The following CACNG3 variants were observed in gnomAD, a reference collection of about 807,000 sequenced individuals.
CACNG3 encodes voltage-dependent calcium channel gamma-3 subunit.
A neutral mutation model predicts 28.5 loss-of-function variants in CACNG3; 3 were observed. The observed-to-expected ratio is 0.11, with a 90% CI of 0.05 to 0.27. CACNG3 has a LOEUF of 0.27. CACNG3 is among the 10% of genes least tolerant of loss of function. The probability of loss-of-function intolerance (pLI) is 1.00; values close to 1 mark genes in which losing one functional copy is unlikely to be tolerated. For missense variants in CACNG3, 236 were observed against 414.4 expected (o/e 0.57, Z 3.74); for synonymous variants, 174 against 162.2 (o/e 1.07, Z -0.55).
chr16:24,295,351 A>G (rs752111883), intron 1 of CACNG3, among the ~76,000 whole-genome samples: 1 of 152,122 alleles, frequency 6.6e-6, no homozygotes, highest in Non-Finnish European at 1.5e-5. Flanking sequence ...ACCCCAATAC[A>G]TTCTCAACTT....
chr16:24,321,631 T>C (rs1388126381), intron 1 of CACNG3, among the ~76,000 whole-genome samples: 1 of 152,144 alleles, frequency 6.6e-6, no homozygotes, highest in Non-Finnish European at 1.5e-5. Flanking sequence ...GTCAAGCGCT[T>C]CCTTTAAGTG....
intron 1 of CACNG3, among the ~76,000 whole-genome samples, chr16:24,332,928 A>G (rs1899650853): frequency 6.6e-6 from 1 of 152,142 alleles, no homozygotes; most frequent in Non-Finnish European, 1.5e-5. Flanking sequence ...TGTGTTAACC[A>G]CGGGTAGACA....
chr16:24,339,825 C>T (rs185942030), intron 1 of CACNG3, among the ~76,000 whole-genome samples: 11 of 152,184 alleles, frequency 7.2e-5, no homozygotes, highest in Admixed American at 5.2e-4. Flanking sequence ...AACAAATAAT[C>T]GAGGCAATGA....
At chr16:24,320,880 A>G (rs1899446338) in intron 1 of CACNG3, among the ~76,000 whole-genome samples, 1 of 151,956 alleles carries the variant, frequency 6.6e-6, no homozygotes, top group Admixed American at 6.6e-5. Context: ...CAGGCATGCA[A>G]CACTATGCCT....
rs79463229 is a variant in CACNG3, at chr16:24,301,518, G to T, written c.211+44553G>T. On this transcript the variant is annotated intron_variant, in intron 1 of 3. Transcript: ENST00000005284. ...AGTGTGGTATCCTGCAGCTCACGAC[G>T]GTCACAGAGAGGGTGCAGGCAGGAA... Among the ~76,000 whole-genome samples, 193 of 152,230 alleles carry T rather than the reference G, an allele frequency of 1.3e-3. 1 individual carries two copies. In the East Asian group the frequency reaches 0.028, roughly 22 times the overall value.
chr16:24,335,873 G>C (rs967773757), intron 1 of CACNG3, among the ~76,000 whole-genome samples: 2 of 151,898 alleles, frequency 1.3e-5, no homozygotes, highest in Non-Finnish European at 2.9e-5. Flanking sequence ...CCAGGAGTTG[G>C]AGACCAGCCT....
At chr16:24,340,607 A>G (rs959608407) in intron 1 of CACNG3, among the ~76,000 whole-genome samples, 1 of 152,182 alleles carries the variant, frequency 6.6e-6, no homozygotes, top group African/African-American at 2.4e-5. Flanking sequence ...ACCCCTCCTC[A>G]TGTGAAGGAA....
rs1050502245 is a variant in CACNG3 at position 24,330,657 on chromosome 16, C to T, written c.212-16077C>T. Among the ~76,000 whole-genome samples, 5 of 152,210 alleles carry T rather than the reference C, an allele frequency of 3.3e-5. No individual in the cohort carries two copies. The East Asian group carries it at 9.6e-4, about 29-fold the overall frequency. ...AAGAAGAGCCCAGGTGATTCTCATG[C>T]AAGTGGACTCAATTTTTCCAGGCAC... On this transcript the variant is annotated intron_variant, in intron 1 of 3. Transcript: ENST00000005284.
chr16:24,301,224 C>A lies in CACNG3; in HGVS notation c.211+44259C>A, dbSNP rs189338640. 3.5e-3 allele frequency among the ~76,000 whole-genome samples: 527 copies of A among 148,882 alleles called. 1 individual carries two copies. Among genetic ancestry groups the A allele is most frequent in the South Asian group, 0.011 (50 of 4,732 alleles). On this transcript the variant is annotated intron_variant, in intron 1 of 3. Transcript: ENST00000005284. ...AGACTCTGAAAAAAAAAAAAAAAAG[C>A]ATATGAGCTCAATTATATGGGGATC...
At chr16:24,302,646 TTTTG>T (rs1899129562) in intron 1 of CACNG3, among the ~76,000 whole-genome samples, 3 of 131,832 alleles carry the variant, frequency 2.3e-5, no homozygotes, top group African/African-American at 1.3e-4. Flanking sequence ...TTTTGTTTTG[TTTTG>T]TTTTGTTTTG....
At chr16:24,293,428 A>T (rs977164059) in intron 1 of CACNG3, among the ~76,000 whole-genome samples, 2 of 152,078 alleles carry the variant, frequency 1.3e-5, no homozygotes, top group Non-Finnish European at 2.9e-5. Context: ...CACTGCCTAC[A>T]TTTGAATCTT....
intron 1 of CACNG3, among the ~76,000 whole-genome samples, chr16:24,328,734 G>A (rs1899592552): frequency 1.3e-5 from 2 of 152,188 alleles, no homozygotes; most frequent in Admixed American, 6.5e-5. Flanking sequence ...CAGGCAGAAA[G>A]AGCATCAGCT....
chr16:24,333,173 G>A (rs1391535803), intron 1 of CACNG3, among the ~76,000 whole-genome samples: 2 of 151,902 alleles, frequency 1.3e-5, no homozygotes, highest in African/African-American at 4.8e-5. Context: ...GGACTACCAC[G>A]CAATTTTATC....
chr16:24,326,170 T>C (rs896869367), intron 1 of CACNG3, among the ~76,000 whole-genome samples: 2 of 76,304 alleles, frequency 2.6e-5, no homozygotes, highest in African/African-American at 8.1e-5. Context: ...GTTTTTTCTT[T>C]TTTCTTTTTT....
intron 1 of CACNG3, among the ~76,000 whole-genome samples, chr16:24,258,076 T>C (rs1898492159): frequency 6.6e-6 from 1 of 152,220 alleles, no homozygotes; most frequent in Non-Finnish European, 1.5e-5. Flanking sequence ...CAAGGAAATC[T>C]GCGTTTCCTG....
chr16:24,258,505 A>G (rs1391300291), intron 1 of CACNG3, among the ~76,000 whole-genome samples: 1 of 152,234 alleles, frequency 6.6e-6, no homozygotes, highest in Non-Finnish European at 1.5e-5. Context: ...GTGGTCTTGA[A>G]TTAACATTAT....
chr16:24,270,831 C>T (rs1225095546), intron 1 of CACNG3, among the ~76,000 whole-genome samples: 3 of 152,158 alleles, frequency 2.0e-5, no homozygotes, highest in East Asian at 1.9e-4. Flanking sequence ...GTAGGCTTCT[C>T]TGAGAAGGTG....
chr16:24,326,649 A>G (rs943964416), intron 1 of CACNG3, among the ~76,000 whole-genome samples: 1 of 152,228 alleles, frequency 6.6e-6, no homozygotes, highest in Non-Finnish European at 1.5e-5. Context: ...AGGAGAATTT[A>G]GAATTCTGAT....
At chr16:24,272,492 C>T (rs563160457) in intron 1 of CACNG3, among the ~76,000 whole-genome samples, 3 of 152,078 alleles carry the variant, frequency 2.0e-5, no homozygotes, top group African/African-American at 7.2e-5. Context: ...ATTTATTAGA[C>T]ATTTAATCAT....
Sources: gnomAD v4.1 joint callset for allele counts (sites outside exome capture counted in the v4.1 genomes callset) on GRCh38, gnomAD v4.1.1 for gene constraint, MANE v1.5 for transcripts, NCBI Gene and HGNC (gene_info 2026-07-23, HGNC 2026-07-21) for gene names.